The following RABGAP1L variants were observed in gnomAD, a reference collection of about 807,000 sequenced individuals.
RABGAP1L encodes rab GTPase-activating protein 1-like.
RABGAP1L carries 63 observed loss-of-function variants against 137.7 expected under a neutral mutation model. That is an observed-to-expected ratio of 0.46 (90% CI 0.37 to 0.56). The LOEUF (loss-of-function observed/expected upper bound fraction) is 0.56, where lower values mean the gene tolerates loss of function less well. Ranked by LOEUF, RABGAP1L falls within the 20% of genes least tolerant of loss-of-function variation. The pLI is 0.00. For missense variants in RABGAP1L, 1,095 were observed against 1,244.0 expected (o/e 0.88, Z 1.80); for synonymous variants, 431 against 433.7 (o/e 0.99, Z 0.08).
At chr1:174,344,414 A>G (rs1439704835) in intron 11 of RABGAP1L, among the ~76,000 whole-genome samples, 2 of 152,168 alleles carry the variant, frequency 1.3e-5, no homozygotes, top group East Asian at 1.9e-4. Flanking sequence ...CACAAAGTCT[A>G]CTTCTTTAGG....
chr1:174,819,618 A>G (rs1690813523), intron 19 of RABGAP1L, among the ~76,000 whole-genome samples: 1 of 152,234 alleles, frequency 6.6e-6, no homozygotes, highest in African/African-American at 2.4e-5. Flanking sequence ...AACTGAGATT[A>G]CAAGGTATTC....
At chr1:174,772,207 AAAAAC>A (rs1004113687) in intron 18 of RABGAP1L, among the ~76,000 whole-genome samples, 3 of 151,942 alleles carry the variant, frequency 2.0e-5, no homozygotes, top group African/African-American at 7.2e-5. Flanking sequence ...AAAAAAAACA[AAAAAC>A]AAAACAAAAA....
chr1:174,708,573 C>T (rs1175131394), intron 17 of RABGAP1L, among the ~76,000 whole-genome samples: 1 of 152,130 alleles, frequency 6.6e-6, no homozygotes, highest in Non-Finnish European at 1.5e-5. Context: ...CTGAGGGAAG[C>T]TGTAAAGTAC....
At chr1:174,402,436 A>G (rs535149528) in intron 13 of RABGAP1L, among the ~76,000 whole-genome samples, 3 of 150,586 alleles carry the variant, frequency 2.0e-5, no homozygotes, top group African/African-American at 7.5e-5. Flanking sequence ...TTCAGAAACT[A>G]TTCTATCAGG....
At chr1:174,444,858 TTTTG>T (rs1190540292) in intron 13 of RABGAP1L, among the ~76,000 whole-genome samples, 1 of 152,098 alleles carries the variant, frequency 6.6e-6, no homozygotes, top group South Asian at 2.1e-4. Context: ...GGTTTGTTGA[TTTTG>T]TTTATCTTTT....
At chr1:174,782,466 G>C (rs1206002105) in intron 18 of RABGAP1L, among the ~76,000 whole-genome samples, 1 of 152,150 alleles carries the variant, frequency 6.6e-6, no homozygotes, top group Non-Finnish European at 1.5e-5. Flanking sequence ...GAGATTTTGG[G>C]CTGAGACGAT....
At chr1:174,957,402 T>G (rs968849902) in intron 19 of RABGAP1L, 55 bp from the exon 20 acceptor site, 38 of 1,411,778 alleles carry the variant, frequency 2.7e-5, no homozygotes, top group Admixed American at 1.7e-5. Context: ...CACACCTGAA[T>G]TTTTTTTCAT....
intron 4 of RABGAP1L, among the ~76,000 whole-genome samples, chr1:174,234,648 C>T (rs1261182212): frequency 6.6e-6 from 1 of 151,624 alleles, no homozygotes; most frequent in Non-Finnish European, 1.5e-5. Flanking sequence ...GTACCAGTGC[C>T]ATGCTGTTTT....
intron 14 of RABGAP1L, among the ~76,000 whole-genome samples, chr1:174,640,604 C>T (rs899624762): frequency 1.3e-5 from 2 of 151,984 alleles, no homozygotes. Context: ...CACACTCAGC[C>T]GTCCACCTCT....
At chr1:174,275,188 G>A (rs1674879324) in intron 8 of RABGAP1L, 1 of 152,130 alleles carries the variant, frequency 6.6e-6, no homozygotes, top group Non-Finnish European at 1.5e-5. Context: ...AAGAAAGAGG[G>A]AGTAAGTGTA....
intron 9 of RABGAP1L, among the ~76,000 whole-genome samples, chr1:174,277,364 T>C (rs912653179): frequency 4.7e-4 from 71 of 152,066 alleles, no homozygotes; most frequent in African/African-American, 1.7e-3. Context: ...AATAAGCCAG[T>C]TGACAGTTTT....
chr1:174,850,029 T>A, intron 19 of RABGAP1L: 1 of 605,240 alleles, frequency 1.7e-6, no homozygotes, highest in Non-Finnish European at 3.1e-6. Flanking sequence ...AATTTCTGGA[T>A]AGAAACTAAT....
rs115915946 is a variant in RABGAP1L, at chr1:174,531,431, T to C, written c.1711-105944T>C. ...ACACTTCAGCAATAAGAATTTCAGA[T>C]TTAGATAAAAATAGGAAAAATATAG... On this transcript the variant is annotated intron_variant, in intron 13 of 25. Transcript: ENST00000681986. Among the ~76,000 whole-genome samples the C allele has an allele frequency of 6.5e-3, 994 of 152,190 alleles. 7 individuals are homozygous for C. Among genetic ancestry groups the C allele is most frequent in the African/African-American group, 0.023 (947 of 41,520 alleles).
At chr1:174,701,757 A>AG (rs1679672307) in intron 16 of RABGAP1L, among the ~76,000 whole-genome samples, 1 of 151,536 alleles carries the variant, frequency 6.6e-6, no homozygotes, top group African/African-American at 2.4e-5. Context: ...AAAAAAAAAA[A>AG]AAAATTTAAC....
At chr1:174,510,176 G>A (rs1337489665) in intron 13 of RABGAP1L, among the ~76,000 whole-genome samples, 3 of 152,186 alleles carry the variant, frequency 2.0e-5, no homozygotes, top group Middle Eastern at 3.4e-3. Context: ...TAGCTCTTTA[G>A]CCTCCTTTTG....
intron 13 of RABGAP1L, among the ~76,000 whole-genome samples, chr1:174,609,566 G>C (rs1413738906): frequency 3.3e-5 from 5 of 152,150 alleles, no homozygotes; most frequent in African/African-American, 1.2e-4. Flanking sequence ...ACCTGAGCCT[G>C]TTAAGCACTA....
At chr1:174,261,105 AG>A (rs1407387334) in intron 7 of RABGAP1L, among the ~76,000 whole-genome samples, 2 of 152,058 alleles carry the variant, frequency 1.3e-5, no homozygotes, top group African/African-American at 4.8e-5. Context: ...CACTCTTCTC[AG>A]GGGTCTGCCC....
intron 13 of RABGAP1L, among the ~76,000 whole-genome samples, chr1:174,635,618 C>G (rs982467162): frequency 6.6e-6 from 1 of 150,400 alleles, no homozygotes; most frequent in Admixed American, 6.6e-5. Context: ...TATCCTTTTA[C>G]TGAAGTTATG....
intron 13 of RABGAP1L, among the ~76,000 whole-genome samples, chr1:174,482,217 A>G (rs947340725): frequency 6.6e-6 from 1 of 152,238 alleles, no homozygotes; most frequent in African/African-American, 2.4e-5. Flanking sequence ...CAGAGCCTCC[A>G]AAAGGAATGC....
Sources: allele counts gnomAD v4.1 joint callset (sites outside exome capture counted in the v4.1 genomes callset), GRCh38; gene constraint gnomAD v4.1.1; transcripts MANE v1.5; gene names NCBI Gene and HGNC (gene_info 2026-07-23, HGNC 2026-07-21).